The following TTN variants were observed in gnomAD, a reference collection of about 807,000 sequenced individuals.
TTN encodes the protein titin.
In TTN, 1,525 loss-of-function variants were observed where a neutral mutation model predicts 3,223.0. The ratio of observed to expected loss-of-function variants is 0.47; its 90% CI spans 0.45 to 0.49. The LOEUF (loss-of-function observed/expected upper bound fraction) is 0.49, where lower values mean the gene tolerates loss of function less well. Ranked by LOEUF, TTN falls within the 20% of genes least tolerant of loss-of-function variation. The probability of loss-of-function intolerance (pLI) is 0.00; values close to 1 mark genes in which losing one functional copy is unlikely to be tolerated. For synonymous variants in TTN, 14,094 were observed against 15,161.0 expected (o/e 0.93, Z 5.17); for missense variants, 40,786 against 43,424.0 (o/e 0.94, Z 5.40).
chr2:178,700,864 C>A (rs548385005), intron 111 of TTN, among the ~76,000 whole-genome samples: 4 of 152,048 alleles, frequency 2.6e-5, no homozygotes, highest in Non-Finnish European at 5.9e-5. Flanking sequence ...TAAATTAGTT[C>A]TCTATTAATG....
intron 45 of TTN, among the ~76,000 whole-genome samples, chr2:178,757,232 C>CTGTACTTGCTTTA (rs2087537043): frequency 2.4e-3 from 5 of 2,088 alleles, no homozygotes; most frequent in Admixed American, 4.0e-3. Flanking sequence ...AAGTAATAAT[C>CTGTACTTGCTTTA]AGCAAATAGA....
In TTN at chr2:178,740,723, T is replaced by C; in HGVS notation, c.12510A>G (p.Glu4170=). Residue 4170 remains glutamate, a synonymous_variant, in exon 48 of 363, where the codon GAA becomes GAG. Transcript: ENST00000589042. ...TFSKEGILMP[E]EPETQAVLSD... ...ATAGAACTGCCTGTGTCTCAGGCTC[T>C]TCAGGCATTAGAATACCTTCTTTGG... is the stretch of plus-strand genomic sequence containing the variant. The C allele has an allele frequency of 6.2e-7, 1 of 1,613,878 alleles. No individual in the cohort carries two copies. The highest frequency in any genetic ancestry group is 1.1e-5 in the South Asian group (1 of 91,086).
At chr2:178,732,793 A>G (rs2080783971) in intron 55 of TTN, 41 bp downstream of exon 55, 1 of 1,572,810 alleles carries the variant, frequency 6.4e-7, no homozygotes, top group African/African-American at 1.4e-5. Context: ...TAATTTGAAC[A>G]TAATCTTTAA....
chr2:178,547,147 T>G lies in TTN; in HGVS notation c.94378A>C (p.Lys31460Gln). The G allele has an allele frequency of 1.2e-6, 2 of 1,613,852 alleles. No individual in the cohort carries two copies. Among genetic ancestry groups the G allele is most frequent in the African/African-American group, 1.3e-5 (1 of 75,028 alleles). The change falls in exon 340 of 363, where the codon AAA (lysine) becomes CAA (glutamine). Residue 31460 changes from lysine to glutamine, a missense_variant. Lys to Gln is a moderately conservative substitution (Grantham distance 53). Transcript: ENST00000589042. The part of the protein sequence containing the change: ...RNTILWVKEN[K>Q]VPCLECNYKV... ...TAGTTGCACTCTAAGCATGGCACTT[T>G]GTTTTCTTTCACCCAAAGAATTGTA...
chr2:178,802,346 A>G lies in TTN; in HGVS notation c.92-5T>C. 6.2e-7 allele frequency: 1 copy of G among 1,613,308 alleles called. No homozygotes were observed. The highest frequency in any genetic ancestry group is 1.1e-5 in the South Asian group (1 of 90,952). On this transcript the variant is annotated splice_polypyrimidine_tract_variant and splice_region_variant and intron_variant, in intron 2 of 362. Transcript: ENST00000589042. ...TCACCTCAGGAACTGGAAAACCTGA[A>G]GAGCAAGAACAATTCACCTTTATGT...
chr2:178,565,373 A>T lies in TTN; in HGVS notation c.80759T>A (p.Leu26920His). 2.5e-6 allele frequency: 4 copies of T among 1,613,634 alleles called. No homozygotes were observed. Among genetic ancestry groups the T allele is most frequent in the Non-Finnish European group, 3.4e-6 (4 of 1,179,660 alleles). The change falls in exon 326 of 363, where the codon CTT becomes CAT. Residue 26920 changes from leucine (L) to histidine (H), a missense_variant. Leu to His is a moderately conservative substitution (Grantham distance 99). Coordinates refer to ENST00000589042, the MANE Select transcript of TTN (RefSeq NM_001267550.2). Reference protein sequence around the residue: ...NISWVKDGEPLKQTTRVNVEE... With the variant: ...NISWVKDGEPHKQTTRVNVEE... ...AACGTTTACTCTTGTTGTCTGTTTA[A>T]GAGGCTCACCATCTTTGACCCAAGA...
At chr2:178,668,445 A>T (rs2252350) in intron 159 of TTN, among the ~76,000 whole-genome samples, 3,260 of 152,216 alleles carry the variant, frequency 0.021, 67 homozygotes, top group East Asian at 0.095. Context: ...AAAAAATGGA[A>T]GCGGGTCTGG....
At position 178,561,889 on chromosome 2, in the gene TTN, A is replaced by G. The variant is rs374784036; in HGVS notation, c.84243T>C (p.Tyr28081=). The stretch of plus-strand genomic sequence containing the variant: ...AATTGCTAATTTGGCAGCCACCATC[A>G]TATTCTGGAGGATTCCAAGAAATGG... ...SITISWNPPE[Y]DGGCQISNYI... Residue 28081 remains tyrosine, a synonymous_variant, in exon 326 of 363, where the codon TAT becomes TAC. Coordinates refer to ENST00000589042, the MANE Select transcript of TTN (RefSeq NM_001267550.2). 1.9e-6 allele frequency: 3 copies of G among 1,613,514 alleles called. No individual in the cohort carries two copies. The highest frequency in any genetic ancestry group is 1.3e-5 in the African/African-American group (1 of 74,904).
Position 178,769,907 on chromosome 2 carries a change from C to A in TTN, c.8674G>T (p.Glu2892Ter). The change falls in exon 37 of 363, where the codon GAG (glutamate) becomes TAG (stop). Residue 2892 changes from glutamate (E) to a stop codon, truncating the protein, a stop_gained. Coordinates refer to ENST00000589042, the MANE Select transcript of TTN (RefSeq NM_001267550.2). LOFTEE classifies it high-confidence loss of function. ...LHITKTMKNI[E>*]VPETKTASFE... ...GAGGCAGTTTTGGTCTCAGGCACCT[C>A]GATATTTTTCATGGTTTTTGTAATA... The A allele has an allele frequency of 6.2e-7, 1 of 1,613,896 alleles. No individual in the cohort carries two copies. Among genetic ancestry groups the A allele is most frequent in the Non-Finnish European group, 8.5e-7 (1 of 1,179,984 alleles).
rs1060500438 is a variant in TTN, at chr2:178,589,107, A to G, written c.62618T>C (p.Ile20873Thr). The change falls in exon 304 of 363, where the codon ATT becomes ACT. Residue 20873 changes from isoleucine (I) to threonine (T), a missense_variant. Ile to Thr is a moderately conservative substitution (Grantham distance 89). Transcript: ENST00000589042. Reference protein sequence around the residue: ...DKPGPVRNLKIVDVSSDRCTV... With the variant: ...DKPGPVRNLKTVDVSSDRCTV... ...ACACCTATCACTGGACACATCAACA[A>G]TTTTCAGATTTCTCACAGGACCAGG... 6.2e-7 allele frequency: 1 copy of G among 1,611,490 alleles called. No individual in the cohort carries two copies. Among genetic ancestry groups the G allele is most frequent in the South Asian group, 1.1e-5 (1 of 91,070 alleles).
rs1356331923 is a variant in TTN at position 178,603,926 on chromosome 2, A to G, written c.54761T>C (p.Ile18254Thr). ...FRAMAINAAG[I>T]GPPSEPSDPE... ...ATCTGATGGTTCACTGGGAGGACCA[A>G]TTCCTGCAGCATTTATTGCCATGGC... is the stretch of plus-strand genomic sequence containing the variant. Residue 18254 changes from isoleucine to threonine, a missense_variant, in exon 282 of 363, where the codon ATT becomes ACT. Transcript: ENST00000589042. 3.1e-6 allele frequency: 5 copies of G among 1,612,030 alleles called. No homozygotes were observed. The highest frequency in any genetic ancestry group is 3.4e-6 in the Non-Finnish European group (4 of 1,178,658).
In TTN at chr2:178,579,168, T is replaced by C; in HGVS notation, c.67862A>G (p.Tyr22621Cys). The change falls in exon 320 of 363, where the codon TAC becomes TGC. Residue 22621 changes from tyrosine (Y) to cysteine (C), a missense_variant. Coordinates refer to ENST00000589042, the MANE Select transcript of TTN (RefSeq NM_001267550.2). ...YDCQKSDAGK[Y>C]TITLKNVAGT... ...AGCAACATTCTTAAGTGTGATTGTG[T>C]ATTTTCCAGCATCAGATTTTTGGCA... 1 of 1,613,466 alleles carries C rather than the reference T, an allele frequency of 6.2e-7. No homozygotes were observed.
chr2:178,550,049 A>T lies in TTN; in HGVS notation c.91789T>A (p.Tyr30597Asn). ...GATGCATTTTTGGCTTCCACTGTGT[A>T]TACACCACGATGGTCCCGAGTAGCA... is the stretch of plus-strand genomic sequence containing the variant. Reference protein sequence around the residue: ...RDATRDHRGVYTVEAKNASGS... With the variant: ...RDATRDHRGVNTVEAKNASGS... Residue 30597 changes from tyrosine (Y) to asparagine (N), a missense_variant, in exon 337 of 363, where the codon TAC (tyrosine) becomes AAC (asparagine). Physicochemically the swap from Tyr to Asn is moderately radical, Grantham distance 143. Coordinates refer to ENST00000589042, the MANE Select transcript of TTN (RefSeq NM_001267550.2). 6.2e-7 allele frequency: 1 copy of T among 1,613,772 alleles called. No homozygotes were observed. Among genetic ancestry groups the T allele is most frequent in the Non-Finnish European group, 8.5e-7 (1 of 1,179,744 alleles).
Position 178,731,340 on chromosome 2 carries a change from C to T in TTN, c.17426G>A (p.Gly5809Glu), listed in dbSNP as rs765643296. The T allele has an allele frequency of 1.2e-6, 2 of 1,613,768 alleles. No individual in the cohort carries two copies. Among genetic ancestry groups the T allele is most frequent in the South Asian group, 1.1e-5 (1 of 91,076 alleles). The stretch of plus-strand genomic sequence containing the variant: ...GAGTAATGCAGAACATCTTTGTATT[C>T]CTGCATCATTTTTGGCCTGACAGAC... Reference protein sequence around the residue: ...KYVCQAKNDAGIQRCSALLSV... With the variant: ...KYVCQAKNDAEIQRCSALLSV... Residue 5809 changes from glycine (G) to glutamate (E), a missense_variant, in exon 59 of 363, where the codon GGA becomes GAA. Coordinates refer to ENST00000589042, the MANE Select transcript of TTN (RefSeq NM_001267550.2).
Position 178,684,055 on chromosome 2 carries a change from G to A in TTN, c.32750C>T (p.Pro10917Leu), listed in dbSNP as rs73973137. 5.4e-4 allele frequency: 872 copies of A among 1,609,910 alleles called. 6 individuals carry two copies. In the African/African-American group the frequency reaches 0.011, roughly 20 times the overall value. The change falls in exon 133 of 363, where the codon CCA becomes CTA. Residue 10917 changes from proline (P) to leucine (L), a missense_variant. Physicochemically the swap from Pro to Leu is moderately conservative, Grantham distance 98. Coordinates refer to ENST00000589042, the MANE Select transcript of TTN (RefSeq NM_001267550.2). Reference protein sequence around the residue: ...RVPEEPKRAVPEEKVLKLKPK... With the variant: ...RVPEEPKRAVLEEKVLKLKPK... The stretch of plus-strand genomic sequence containing the variant: ...TTTGAGTTTCAGAACTTTTTCTTCT[G>A]GGACAGCTCTCTTCGGTTCCTCTGG...
intron 316 of TTN, 137 bp from the exon 317 acceptor site, chr2:178,580,746 C>T (rs2047511411): frequency 1.2e-6 from 1 of 835,812 alleles, no homozygotes; most frequent in Non-Finnish European, 1.8e-6. Flanking sequence ...TTAATACAAT[C>T]CTCAAAATCA....
intron 241 of TTN, 24 bp downstream of exon 241, chr2:178,625,249 T>C: frequency 6.2e-7 from 1 of 1,602,034 alleles, no homozygotes; most frequent in Non-Finnish European, 8.5e-7. Context: ...TTATACATGT[T>C]TTTAAAATAA....
chr2:178,610,461 G>C, intron 270 of TTN, 72 bp from the exon 271 acceptor site: 1 of 1,500,162 alleles, frequency 6.7e-7, no homozygotes, highest in Non-Finnish European at 9.2e-7. Flanking sequence ...TTGTCTCTAA[G>C]TGGGGCTATC....
At position 178,634,927 on chromosome 2, in the gene TTN, A is replaced by G. The variant is rs1323043508; in HGVS notation, c.42025-78T>C. 2.7e-6 allele frequency: 4 copies of G among 1,499,212 alleles called. No individual in the cohort carries two copies. The highest frequency in any genetic ancestry group is 2.8e-5 in the African/African-American group (2 of 70,748). 92.9% of individuals were successfully genotyped at this position (1,499,212 alleles called of 1,614,324 possible). A position where few individuals can be genotyped will look rare whatever the true frequency, so the allele number is the denominator to read the frequency against. On this transcript the variant is annotated intron_variant, in intron 228 of 362. Coordinates refer to ENST00000589042, the MANE Select transcript of TTN (RefSeq NM_001267550.2). This position sits in a 1 kb window ranked among gnomAD's most constrained non-coding sequence, Gnocchi z 4.6. ...AGAAGTGTTTCAGATACAAATTTCTATAGAGTTTTAAAAATTACTACTAAT... is the reference window on the plus strand; with the variant it reads ...AGAAGTGTTTCAGATACAAATTTCTGTAGAGTTTTAAAAATTACTACTAAT...
Sources: gnomAD v4.1 joint callset for allele counts (sites outside exome capture counted in the v4.1 genomes callset) on GRCh38, gnomAD v4.1.1 for gene constraint, Gnocchi (gnomAD v3.1) non-coding constraint, MANE v1.5 for transcripts, NCBI Gene and HGNC (gene_info 2026-07-23, HGNC 2026-07-21) for gene names.